The following CYSLTR1 variants were observed in gnomAD, a reference collection of about 807,000 sequenced individuals.
CYSLTR1 encodes the protein cysteinyl leukotriene receptor 1, also known as G-protein coupled receptor HG55.
In CYSLTR1, 1 loss-of-function variant was observed where a neutral mutation model predicts 2.1. That is an observed-to-expected ratio of 0.48 (90% confidence interval 0.17 to 2.28). The LOEUF (loss-of-function observed/expected upper bound fraction) is 2.28, where lower values mean the gene tolerates loss of function less well. Ranked by LOEUF, CYSLTR1 falls within the 30% of genes most tolerant of loss-of-function variation. CYSLTR1 has a pLI of 0.26. For missense variants in CYSLTR1, 299 were observed against 250.1 expected, an observed-to-expected ratio of 1.20 and a Z score of -1.32; for synonymous variants, 110 against 89.6, an observed-to-expected ratio of 1.23 and a Z score of -1.28.
chrX:78,289,236 A>C (rs1922210079), intron 1 of CYSLTR1, among the ~76,000 whole-genome samples: 1 of 110,219 alleles, frequency 9.1e-6, no homozygotes, highest in African/African-American at 3.3e-5. Flanking sequence ...TCCTTGTGAT[A>C]GTTTGCTGAG....
rs183861073 is a variant in CYSLTR1 at position 78,286,726 on chromosome X, T to G, written c.-114-3186A>C. On this transcript the variant is annotated intron_variant, in intron 1 of 2. Coordinates refer to ENST00000373304, the MANE Select transcript of CYSLTR1 (RefSeq NM_006639.4). ...TCATTGTTCAATTCCCACCTATGAG[T>G]GAGAACATGCGGTGTTTAAACTTTT... Among the ~76,000 whole-genome samples, 192 of 103,658 alleles carry G rather than the reference T, an allele frequency of 1.9e-3. 1 individual carries two copies. The highest frequency in any genetic ancestry group is 6.5e-3 in the African/African-American group (185 of 28,357). 90.0% of individuals were successfully genotyped at this position (103,658 alleles called of 115,157 possible).
rs761540193 is a variant in CYSLTR1 at position 78,273,698 on chromosome X, T to G, written c.49A>C (p.Thr17Pro). 1.4e-5 allele frequency: 17 copies of G among 1,204,309 alleles called. No homozygotes were observed. Among genetic ancestry groups the G allele is most frequent in the Non-Finnish European group, 1.9e-5 (17 of 890,860 alleles). Residue 17 changes from threonine (T) to proline (P), a missense_variant, in exon 3 of 3, where the codon ACT becomes CCT. Physicochemically the swap from Thr to Pro is conservative, Grantham distance 38. Transcript: ENST00000373304. ...LTVSSATCHD[T>P]IDDFRNQVYS... ...ACTTGATTGCGGAAGTCATCAATAG[T>G]GTCATGGCATGTGGCAGAAGATACT...
At chrX:78,314,307 TG>T (rs1299599056) in intron 1 of CYSLTR1, among the ~76,000 whole-genome samples, 3 of 111,738 alleles carry the variant, frequency 2.7e-5, no homozygotes, top group Non-Finnish European at 5.7e-5. Context: ...TCACTTAATT[TG>T]TCTCTAGCTC....
chrX:78,283,293 A>G (rs1352459435), intron 2 of CYSLTR1, among the ~76,000 whole-genome samples, 161 bp downstream of exon 2: 1 of 112,202 alleles, frequency 8.9e-6, no homozygotes, highest in African/African-American at 3.2e-5. Context: ...ACAATACAGT[A>G]TTGTAAAAGC....
chrX:78,285,547 C>T (rs1922032670), intron 1 of CYSLTR1, among the ~76,000 whole-genome samples: 1 of 111,719 alleles, frequency 9.0e-6, no homozygotes, highest in African/African-American at 3.3e-5. Context: ...TTTTCCCTAG[C>T]GTGGGACAAG....
chrX:78,278,871 CA>C (rs1921718217), intron 2 of CYSLTR1, among the ~76,000 whole-genome samples: 1 of 111,895 alleles, frequency 8.9e-6, no homozygotes, highest in Non-Finnish European at 1.9e-5. Flanking sequence ...ACTTCCTATT[CA>C]AAAAAATGGT....
chrX:78,274,327 A>G (rs1375663899), intron 2 of CYSLTR1, among the ~76,000 whole-genome samples: 1 of 111,368 alleles, frequency 9.0e-6, no homozygotes, highest in Non-Finnish European at 1.9e-5. Context: ...CTACAAGGCT[A>G]CAGTAACCAA....
At chrX:78,295,611 T>C (rs1922543608) in intron 1 of CYSLTR1, among the ~76,000 whole-genome samples, 3 of 111,865 alleles carry the variant, frequency 2.7e-5, no homozygotes, top group South Asian at 3.7e-4. Context: ...TGATACCTCA[T>C]TGCAGTTTTG....
chrX:78,298,023 C>T (rs1364475666), intron 1 of CYSLTR1, among the ~76,000 whole-genome samples: 1 of 111,150 alleles, frequency 9.0e-6, no homozygotes, highest in East Asian at 2.8e-4. Context: ...CTATAAACCT[C>T]CCTCTTAGTA....
At chrX:78,306,377 T>G (rs1923032667) in intron 1 of CYSLTR1, among the ~76,000 whole-genome samples, 1 of 110,967 alleles carries the variant, frequency 9.0e-6, no homozygotes, top group African/African-American at 3.3e-5. Context: ...TTGGCAAGGT[T>G]GGTCTCGATC....
At chrX:78,274,987 A>G (rs1321939394) in intron 2 of CYSLTR1, among the ~76,000 whole-genome samples, 2 of 111,880 alleles carry the variant, frequency 1.8e-5, no homozygotes, top group Admixed American at 9.5e-5. Flanking sequence ...AATGCTCATC[A>G]TCACTGGCCA....
intron 1 of CYSLTR1, among the ~76,000 whole-genome samples, chrX:78,325,892 ATAAATAGTTTC>A (rs1923846154): frequency 8.9e-6 from 1 of 112,125 alleles, no homozygotes. Context: ...TTTATGACAG[ATAAATAGTTTC>A]TAAATGCATC....
At chrX:78,326,529 T>A (rs1923866416) in intron 1 of CYSLTR1, among the ~76,000 whole-genome samples, 1 of 112,084 alleles carries the variant, frequency 8.9e-6, no homozygotes, top group South Asian at 3.7e-4. Context: ...CCCATTTGTT[T>A]CCTCTTGAAA....
chrX:78,274,668 G>A (rs1323641522), intron 2 of CYSLTR1, among the ~76,000 whole-genome samples: 1 of 110,074 alleles, frequency 9.1e-6, no homozygotes, highest in Non-Finnish European at 1.9e-5. Flanking sequence ...CATAGGCATG[G>A]GCAAGGACTT....
intron 2 of CYSLTR1, among the ~76,000 whole-genome samples, chrX:78,275,292 C>T (rs866189209): frequency 9.9e-5 from 11 of 111,486 alleles, no homozygotes; most frequent in Admixed American, 2.9e-4. Context: ...ATGTTTATTG[C>T]GGCACTATTC....
At chrX:78,313,981 C>A (rs1923314706) in intron 1 of CYSLTR1, among the ~76,000 whole-genome samples, 1 of 111,229 alleles carries the variant, frequency 9.0e-6, no homozygotes, top group Non-Finnish European at 1.9e-5. Context: ...ATCAGCGAGC[C>A]AAGAGACAGC....
chrX:78,305,818 C>CT (rs979110510), intron 1 of CYSLTR1, among the ~76,000 whole-genome samples: 10 of 113,119 alleles, frequency 8.8e-5, no homozygotes, highest in African/African-American at 2.6e-4. Context: ...AATTTCCTTC[C>CT]TTTTTTGTGG....
At chrX:78,290,042 C>T (rs767830473) in intron 1 of CYSLTR1, among the ~76,000 whole-genome samples, 2 of 111,654 alleles carry the variant, frequency 1.8e-5, no homozygotes, top group African/African-American at 6.5e-5. Context: ...TTTGCCAATC[C>T]CTTGTCCTGA....
At chrX:78,290,776 G>C (rs1922289447) in intron 1 of CYSLTR1, among the ~76,000 whole-genome samples, 2 of 111,710 alleles carry the variant, frequency 1.8e-5, no homozygotes, top group Admixed American at 1.9e-4. Flanking sequence ...TTGTTGTATA[G>C]GAATGCTTGT....
Sources: allele counts gnomAD v4.1 joint callset (sites outside exome capture counted in the v4.1 genomes callset), GRCh38; gene constraint gnomAD v4.1.1; transcripts MANE v1.5; gene names NCBI Gene and HGNC (gene_info 2026-07-23, HGNC 2026-07-21).